Variants in NADK observed in about 807,000 individuals in gnomAD.
The protein encoded by NADK is NAD kinase, also known as poly(P)/ATP NAD kinase.
In NADK, 22 loss-of-function variants were observed where a neutral mutation model predicts 49.8. The ratio of observed to expected loss-of-function variants is 0.44; its 90% CI spans 0.32 to 0.63. NADK has a LOEUF of 0.63. Among genes scored for constraint, NADK ranks in the 30% least tolerant of loss-of-function variants. NADK has a pLI of 0.06. For synonymous variants in NADK, 268 were observed against 253.7 expected (o/e 1.06, Z -0.54); for missense variants, 438 against 609.4 (o/e 0.72, Z 2.96).
chr1:1,755,651 G>A (rs1176423242), intron 6 of NADK, among the ~76,000 whole-genome samples, 175 bp from the exon 7 acceptor site: 2 of 152,192 alleles, frequency 1.3e-5, no homozygotes, highest in South Asian at 2.1e-4. Flanking sequence ...AGGGTGGGCC[G>A]GGCCACCAGG....
intron 1 of NADK, among the ~76,000 whole-genome samples, chr1:1,765,847 C>T (rs1645869478): frequency 3.9e-5 from 6 of 152,044 alleles, no homozygotes; most frequent in Admixed American, 3.9e-4. Context: ...GAGGTGGAGG[C>T]TGCAGTAAGT....
rs2100262496 is a variant in NADK at position 1,752,918 on chromosome 1, C to CCTG, written c.1326_1327insCAG (p.Glu442_Glu443insGln). 8 of 1,597,410 alleles carry CCTG rather than the reference C, an allele frequency of 5.0e-6. No individual in the cohort carries two copies. Among genetic ancestry groups the CCTG allele is most frequent in the Non-Finnish European group, 6.8e-6 (8 of 1,172,098 alleles). ...AGGGGCTTGACCTAGCCCTCCTCCTCCTCCTCCTCCTCCTCCTCGAAGTGG... is the reference window on the plus strand; with the variant it reads ...AGGGGCTTGACCTAGCCCTCCTCCTCCTGCTCCTCCTCCTCCTCCTCGAAGTGG... On this transcript the variant is annotated inframe_insertion, in exon 12 of 12. Transcript: ENST00000341426.
rs1356606597 is a variant in NADK at position 1,756,118 on chromosome 1, A to G, written c.585+140T>C. On this transcript the variant is annotated intron_variant, in intron 6 of 11. Transcript: ENST00000341426. ...CGTCGCACCCCACCGGGCTGCCACC[A>G]TGGGCCTCAGTGCTGGCCGCTCTAG... is the stretch of plus-strand genomic sequence containing the variant. 3.5e-5 allele frequency: 28 copies of G among 790,990 alleles called. No homozygotes were observed. The East Asian group carries it at 7.3e-4, about 21-fold the overall frequency. The allele number at this position is 790,990 out of a possible 1,614,324, so 49.0% of individuals were successfully genotyped here.
chr1:1,765,357 T>C lies in NADK; in HGVS notation c.50A>G (p.Asp17Gly). 1.2e-6 allele frequency: 2 copies of C among 1,612,674 alleles called. No homozygotes were observed. The highest frequency in any genetic ancestry group is 4.5e-5 in the East Asian group (2 of 44,760). ...GGCCGAGCAGCAGTAAGCAGCCGCG[T>C]CTGGACTCAATTCCTTATTCATGGT... ...KMTMNKELSP[D>G]AAAYCCSACH... Residue 17 changes from aspartate to glycine, a missense_variant, in exon 2 of 12, where the codon GAC becomes GGC. By Grantham distance (94) the Asp-to-Gly change is moderately conservative. Transcript: ENST00000341426.
chr1:1,762,052 G>GT lies in NADK; in HGVS notation c.180-18dup. 1 of 1,611,528 alleles carries GT rather than the reference G, an allele frequency of 6.2e-7. No homozygotes were observed. Among genetic ancestry groups the GT allele is most frequent in the Non-Finnish European group, 8.5e-7 (1 of 1,177,990 alleles). On this transcript the variant is annotated splice_polypyrimidine_tract_variant and intron_variant, in intron 2 of 11. Coordinates refer to ENST00000341426, the MANE Select transcript of NADK (RefSeq NM_023018.5). ...CGTGTCCTCCTGTGGGGAGAGGGCA[G>GT]TGTCAGAGCCACCAGGGCCTGAAAC...
At chr1:1,774,197 ATATT>A (rs1048671121) in intron 1 of NADK, among the ~76,000 whole-genome samples, 13 of 151,696 alleles carry the variant, frequency 8.6e-5, no homozygotes, top group African/African-American at 3.1e-4. Flanking sequence ...ACATATATAT[ATATT>A]TAACAAGTAT....
At chr1:1,757,106 C>G (rs1015720948) in intron 4 of NADK, 75 bp downstream of exon 4, 2 of 1,541,580 alleles carry the variant, frequency 1.3e-6, no homozygotes. Flanking sequence ...CATGGTCTCA[C>G]GGGGCGGTGA....
chr1:1,770,102 G>A (rs1646003842), intron 1 of NADK, among the ~76,000 whole-genome samples: 1 of 152,050 alleles, frequency 6.6e-6, no homozygotes, highest in Non-Finnish European at 1.5e-5. Flanking sequence ...TGGAACCTAT[G>A]AGGTGGAGGG....
chr1:1,765,314 G>A lies in NADK; in HGVS notation c.93C>T (p.Thr31=), dbSNP rs1464429983. 3.1e-6 allele frequency: 5 copies of A among 1,613,688 alleles called. No homozygotes were observed. Among genetic ancestry groups the A allele is most frequent in the Non-Finnish European group, 4.2e-6 (5 of 1,179,874 alleles). ...YCCSACHGDE[T]WSYNHPIRGR... ...CCCGGATGGGGTGGTTGTAACTCCA[G>A]GTCTCATCGCCGTGGCAGGCCGAGC... The change falls in exon 2 of 12, where the codon ACC becomes ACT. Residue 31 remains threonine, a synonymous_variant. Transcript: ENST00000341426.
At chr1:1,755,259 G>T in intron 7 of NADK, 115 bp downstream of exon 7, 1 of 770,324 alleles carries the variant, frequency 1.3e-6, no homozygotes, top group South Asian at 1.6e-5. Context: ...CCTGAATCTT[G>T]AAACCTTTAA....
chr1:1,760,515 G>A (rs760276365), intron 3 of NADK, among the ~76,000 whole-genome samples: 21 of 152,250 alleles, frequency 1.4e-4, no homozygotes, highest in Non-Finnish European at 2.9e-4. Context: ...TGGCACCGGT[G>A]CCTGTCAGCA....
At chr1:1,764,490 C>T (rs1338704497) in intron 2 of NADK, among the ~76,000 whole-genome samples, 1 of 152,220 alleles carries the variant, frequency 6.6e-6, no homozygotes, top group Non-Finnish European at 1.5e-5. Context: ...CCCAAGGCCA[C>T]GCTCATAACT....
At position 1,753,129 on chromosome 1, in the gene NADK, C is replaced by T. The variant is rs1164572904; in HGVS notation, c.1185-69G>A. The T allele has an allele frequency of 2.0e-6, 3 of 1,501,042 alleles. No individual in the cohort carries two copies. In the African/African-American group the frequency reaches 4.1e-5, roughly 21 times the overall value. The allele number at this position is 1,501,042 out of a possible 1,614,324, so 93.0% of individuals were successfully genotyped here. A position where few individuals can be genotyped will look rare whatever the true frequency, so the allele number is the denominator to read the frequency against. ...GCCCACCCCCGGCCAAGAACCCTTC[C>T]TCCCTCCCTCCCTGGGAATGGCCGG... is the stretch of plus-strand genomic sequence containing the variant. On this transcript the variant is annotated intron_variant, in intron 11 of 11. Coordinates refer to ENST00000341426, the MANE Select transcript of NADK (RefSeq NM_023018.5).
At chr1:1,777,032 C>T (rs1333409129) in intron 1 of NADK, among the ~76,000 whole-genome samples, 1 of 152,176 alleles carries the variant, frequency 6.6e-6, no homozygotes, top group Non-Finnish European at 1.5e-5. Flanking sequence ...GAGCTATAAT[C>T]ATGCCACCAT....
intron 1 of NADK, among the ~76,000 whole-genome samples, chr1:1,774,001 T>C (rs191385615): frequency 1.1e-3 from 164 of 152,000 alleles, no homozygotes; most frequent in African/African-American, 3.5e-3. Flanking sequence ...TCCCAAAGCA[T>C]TGGGATTACA....
intron 2 of NADK, among the ~76,000 whole-genome samples, chr1:1,764,261 C>T (rs752181910): frequency 8.5e-5 from 13 of 152,330 alleles, no homozygotes; most frequent in Admixed American, 2.6e-4. Context: ...TGTTAGGCAG[C>T]GCCGGCTCTG....
At chr1:1,755,554 G>A in intron 6 of NADK, 78 bp from the exon 7 acceptor site, 1 of 1,046,096 alleles carries the variant, frequency 9.6e-7, no homozygotes, top group Non-Finnish European at 1.5e-6. Flanking sequence ...AGCACCTCAG[G>A]AGGGACCCAG....
At chr1:1,772,740 G>GT (rs1251211941) in intron 1 of NADK, among the ~76,000 whole-genome samples, 1 of 150,332 alleles carries the variant, frequency 6.7e-6, no homozygotes, top group Non-Finnish European at 1.5e-5. Context: ...GTATGGAGGT[G>GT]TAAGATGTTA....
chr1:1,778,931 G>C (rs997530405), upstream of NADK: 2 of 152,592 alleles, frequency 1.3e-5, no homozygotes, highest in Admixed American at 6.5e-5. The surrounding 1 kb of genome is among the most constrained non-coding windows in gnomAD (Gnocchi z 4.9). Context: ...GCCCGCCGCC[G>C]CTTCCCTAAT....
Sources: gnomAD v4.1 joint callset for allele counts (sites outside exome capture counted in the v4.1 genomes callset) on GRCh38, gnomAD v4.1.1 for gene constraint, Gnocchi (gnomAD v3.1) non-coding constraint, MANE v1.5 for transcripts, NCBI Gene and HGNC (gene_info 2026-07-23, HGNC 2026-07-21) for gene names.